SEMA3A: variants seen among roughly 807,000 people sequenced by gnomAD.
SEMA3A encodes semaphorin 3A, also known as semaphorin-3A.
Under a neutral mutation model 97.9 loss-of-function variants are expected in SEMA3A, and 29 were observed. The observed-to-expected ratio is 0.30, with a 90% CI of 0.22 to 0.40. SEMA3A has a LOEUF of 0.40. Ranked by LOEUF, SEMA3A falls within the 10% of genes least tolerant of loss-of-function variation. The probability of loss-of-function intolerance (pLI) is 1.00; values close to 1 mark genes in which losing one functional copy is unlikely to be tolerated. For missense variants in SEMA3A, 763 were observed against 951.3 expected, an observed-to-expected ratio of 0.80 and a Z score of 2.60; for synonymous variants, 321 against 323.7, an observed-to-expected ratio of 0.99 and a Z score of 0.09.
chr7:84,342,628 T>G (rs1048399183), intron 2 of SEMA3A, among the ~76,000 whole-genome samples: 2 of 152,212 alleles, frequency 1.3e-5, no homozygotes, highest in East Asian at 1.9e-4. Flanking sequence ...TAGACTTGCT[T>G]CAATTGTAAA....
chr7:84,438,746 T>G (rs1197901166), intron 1 of SEMA3A, among the ~76,000 whole-genome samples: 2 of 152,030 alleles, frequency 1.3e-5, no homozygotes, highest in Non-Finnish European at 2.9e-5. Context: ...AACCAAGAGT[T>G]TGAGAGATCA....
intron 1 of SEMA3A, among the ~76,000 whole-genome samples, chr7:84,142,209 C>G (rs975939731): frequency 2.6e-5 from 4 of 152,168 alleles, no homozygotes; most frequent in Non-Finnish European, 4.4e-5. Context: ...CATTCACCTA[C>G]TAAGTCAACA....
chr7:84,025,141 C>G (rs1376428471), intron 6 of SEMA3A, among the ~76,000 whole-genome samples: 1 of 152,044 alleles, frequency 6.6e-6, no homozygotes, highest in East Asian at 1.9e-4. Flanking sequence ...ACTTAGATTA[C>G]CAGTGGAAGC....
chr7:84,425,572 AC>A (rs1804796110), intron 1 of SEMA3A, among the ~76,000 whole-genome samples: 2 of 146,010 alleles, frequency 1.4e-5, no homozygotes, highest in Admixed American at 1.4e-4. Context: ...ATGAGTATAA[AC>A]ATATATTGAT....
At chr7:84,428,269 T>C (rs1804879269) in intron 1 of SEMA3A, among the ~76,000 whole-genome samples, 1 of 152,080 alleles carries the variant, frequency 6.6e-6, no homozygotes, top group Admixed American at 6.6e-5. Context: ...CGTATTTGTG[T>C]GAAAGCTTTG....
intron 1 of SEMA3A, among the ~76,000 whole-genome samples, chr7:84,424,717 AAATT>A (rs1481215165): frequency 1.0e-5 from 1 of 98,974 alleles, no homozygotes; most frequent in Non-Finnish European, 1.7e-5. Context: ...TATAATATAT[AAATT>A]ATTTATATAT....
At chr7:84,046,272 CTT>C in intron 6 of SEMA3A, 50 bp downstream of exon 6, 1 of 1,597,244 alleles carries the variant, frequency 6.3e-7, no homozygotes, top group South Asian at 1.1e-5. Context: ...TCTCTAGTAA[CTT>C]AATACAGTTA....
At chr7:84,226,814 A>T (rs1798999146) in intron 3 of SEMA3A, among the ~76,000 whole-genome samples, 1 of 152,106 alleles carries the variant, frequency 6.6e-6, no homozygotes, top group Non-Finnish European at 1.5e-5. Context: ...ATCTAGTAGA[A>T]ATGACATATT....
At chr7:84,330,651 T>A (rs1406726796) in intron 2 of SEMA3A, among the ~76,000 whole-genome samples, 1 of 152,054 alleles carries the variant, frequency 6.6e-6, no homozygotes, top group Non-Finnish European at 1.5e-5. Flanking sequence ...TTTCTATCAC[T>A]TTTTTTCCCC....
At chr7:84,257,037 G>A (rs1376972932) in intron 3 of SEMA3A, among the ~76,000 whole-genome samples, 1 of 151,918 alleles carries the variant, frequency 6.6e-6, no homozygotes, top group Non-Finnish European at 1.5e-5. Flanking sequence ...GGTTGAAAAG[G>A]GGATTTAGAG....
rs962841777 is a variant in SEMA3A, at chr7:83,960,202, T to C, written c.*1169A>G. The C allele has an allele frequency of 6.6e-6, 1 of 152,068 alleles. No individual in the cohort carries two copies. The highest frequency in any genetic ancestry group is 2.4e-5 in the African/African-American group (1 of 41,444). The allele number at this position is 152,068 out of a possible 1,614,324, so 9.4% of individuals were successfully genotyped here. On this transcript the variant is annotated 3_prime_UTR_variant, in exon 17 of 17. Transcript: ENST00000265362. ...TCTTGGTAGAATCATAAGAGAGATC[T>C]TAGTCTCAAATATCATGCAGGGATT... is the stretch of plus-strand genomic sequence containing the variant.
intron 1 of SEMA3A, among the ~76,000 whole-genome samples, chr7:84,445,376 C>T (rs1196437163): frequency 1.3e-5 from 2 of 149,914 alleles, no homozygotes; most frequent in Non-Finnish European, 3.0e-5. Context: ...CACCTGTAGT[C>T]CCAGCTACTG....
chr7:84,392,857 A>G (rs930139763), intron 1 of SEMA3A, among the ~76,000 whole-genome samples: 7 of 152,034 alleles, frequency 4.6e-5, no homozygotes, highest in Non-Finnish European at 1.0e-4. Context: ...AGAAATGTCT[A>G]TGTAGGTCCT....
chr7:84,365,683 T>C (rs1562921262), intron 2 of SEMA3A, among the ~76,000 whole-genome samples: 1 of 151,480 alleles, frequency 6.6e-6, no homozygotes, highest in Non-Finnish European at 1.5e-5. Flanking sequence ...ACTTTTATAT[T>C]CTTACTTTTT....
At chr7:84,304,013 A>G (rs1470985758) in intron 3 of SEMA3A, among the ~76,000 whole-genome samples, 4 of 152,136 alleles carry the variant, frequency 2.6e-5, no homozygotes, top group Non-Finnish European at 4.4e-5. Flanking sequence ...TTCACTGGCC[A>G]TATTTCCATA....
intron 2 of SEMA3A, among the ~76,000 whole-genome samples, chr7:84,368,714 A>G (rs1177630833): frequency 2.0e-5 from 3 of 150,942 alleles, no homozygotes; most frequent in Non-Finnish European, 3.0e-5. Context: ...TTAATTCTAT[A>G]TAAGTAATAT....
intron 11 of SEMA3A, among the ~76,000 whole-genome samples, chr7:84,003,381 T>TCAAA (rs777937974): frequency 2.0e-4 from 30 of 152,242 alleles, no homozygotes; most frequent in South Asian, 1.4e-3. Context: ...GAGTAGTATT[T>TCAAA]CAAACAATTT....
intron 3 of SEMA3A, among the ~76,000 whole-genome samples, chr7:84,277,469 G>A (rs922404653): frequency 3.3e-5 from 5 of 152,008 alleles, no homozygotes; most frequent in African/African-American, 1.2e-4. Context: ...ACATACTTTC[G>A]ACGGAAAGAA....
At chr7:84,140,937 C>T (rs553865737) in intron 1 of SEMA3A, among the ~76,000 whole-genome samples, 9 of 152,122 alleles carry the variant, frequency 5.9e-5, no homozygotes, top group South Asian at 2.1e-4. Flanking sequence ...ACATGAACAA[C>T]GAATAATCTT....
Sources: gnomAD v4.1 joint callset for allele counts (sites outside exome capture counted in the v4.1 genomes callset) on GRCh38, gnomAD v4.1.1 for gene constraint, MANE v1.5 for transcripts, NCBI Gene and HGNC (gene_info 2026-07-23, HGNC 2026-07-21) for gene names.